The following RCAN2 variants were observed in gnomAD, a reference collection of about 807,000 sequenced individuals.
RCAN2 encodes regulator of calcineurin 2.
Under a neutral mutation model 23.6 loss-of-function variants are expected in RCAN2, and 9 were observed. The observed-to-expected ratio is 0.38, with a 90% CI of 0.23 to 0.67. The LOEUF is 0.67. RCAN2 is among the 30% of genes least tolerant of loss of function. The probability of loss-of-function intolerance (pLI) is 0.51; values close to 1 mark genes in which losing one functional copy is unlikely to be tolerated. For synonymous variants in RCAN2, 109 were observed against 115.7 expected, an observed-to-expected ratio of 0.94 and a Z score of 0.37; for missense variants, 273 against 302.3, an observed-to-expected ratio of 0.90 and a Z score of 0.72.
chr6:46,466,620 G>A (rs150759427), intron 1 of RCAN2, among the ~76,000 whole-genome samples: 1 of 152,176 alleles, frequency 6.6e-6, no homozygotes, highest in Non-Finnish European at 1.5e-5. Context: ...AAATATTCAC[G>A]TTATTTCCAC....
intron 1 of RCAN2, among the ~76,000 whole-genome samples, chr6:46,459,786 G>A (rs1363150908): frequency 3.3e-5 from 5 of 152,032 alleles, no homozygotes; most frequent in Admixed American, 6.5e-5. Flanking sequence ...AAACAGGAGC[G>A]GAAGACGTGA....
intron 2 of RCAN2, among the ~76,000 whole-genome samples, chr6:46,321,169 C>A (rs1011657641): frequency 2.6e-5 from 4 of 152,164 alleles, no homozygotes; most frequent in African/African-American, 4.8e-5. Flanking sequence ...AGAGATGTTT[C>A]CAATGGCAAT....
chr6:46,228,558 T>G (rs1765761718), intron 4 of RCAN2, among the ~76,000 whole-genome samples: 2 of 152,206 alleles, frequency 1.3e-5, no homozygotes, highest in African/African-American at 4.8e-5. Context: ...TGGTCTTTGT[T>G]GGTTTAAAGT....
At chr6:46,273,132 G>A (rs978537367) in intron 2 of RCAN2, among the ~76,000 whole-genome samples, 16 of 152,112 alleles carry the variant, frequency 1.1e-4, no homozygotes, top group Admixed American at 9.8e-4. Context: ...CAGGAGTTGC[G>A]GTTCCAACAT....
intron 2 of RCAN2, among the ~76,000 whole-genome samples, chr6:46,316,189 A>G (rs187861038): frequency 1.7e-4 from 26 of 152,206 alleles, no homozygotes; most frequent in South Asian, 4.1e-4. Flanking sequence ...TTAGAATTCC[A>G]TGTACAAAGT....
intron 1 of RCAN2, among the ~76,000 whole-genome samples, chr6:46,485,005 A>G (rs1260842980): frequency 2.0e-5 from 3 of 152,184 alleles, no homozygotes; most frequent in African/African-American, 7.2e-5. Flanking sequence ...TAACCCGCTA[A>G]AAAAACAATT....
chr6:46,354,895 A>ATGTGTGTG (rs1317652711), intron 2 of RCAN2, among the ~76,000 whole-genome samples: 28 of 136,302 alleles, frequency 2.1e-4, no homozygotes, highest in African/African-American at 6.9e-4. Context: ...AAAAGATTAT[A>ATGTGTGTG]TATGTGTGTG....
chr6:46,408,696 C>T (rs1359131374), intron 2 of RCAN2, among the ~76,000 whole-genome samples: 1 of 152,108 alleles, frequency 6.6e-6, no homozygotes, highest in Non-Finnish European at 1.5e-5. Context: ...CTGAGTTATC[C>T]AACCACCATG....
chr6:46,225,973 G>C (rs754383177), intron 4 of RCAN2, among the ~76,000 whole-genome samples: 2 of 152,152 alleles, frequency 1.3e-5, no homozygotes, highest in African/African-American at 2.4e-5. Context: ...TAAAGTAGGA[G>C]GAAGGGATCC....
intron 2 of RCAN2, among the ~76,000 whole-genome samples, chr6:46,455,854 T>TAAAA (rs572741888): frequency 2.0e-5 from 2 of 100,882 alleles, no homozygotes; most frequent in Non-Finnish European, 2.0e-5. Flanking sequence ...GAGATTCCGT[T>TAAAA]AAAAAAAAAA....
intron 2 of RCAN2, among the ~76,000 whole-genome samples, chr6:46,371,608 G>T (rs1213208548): frequency 1.3e-5 from 2 of 152,214 alleles, no homozygotes; most frequent in African/African-American, 4.8e-5. Flanking sequence ...ACTAAAACTG[G>T]TTTGAACATG....
intron 2 of RCAN2, among the ~76,000 whole-genome samples, chr6:46,288,696 T>C (rs897927034): frequency 4.6e-5 from 7 of 152,286 alleles, no homozygotes; most frequent in Non-Finnish European, 1.0e-4. Context: ...ATCCCCGAAG[T>C]ATAACTTTTG....
At chr6:46,424,919 C>A (rs897086073) in intron 2 of RCAN2, among the ~76,000 whole-genome samples, 1 of 152,134 alleles carries the variant, frequency 6.6e-6, no homozygotes, top group African/African-American at 2.4e-5. Context: ...AAGCCCTGGG[C>A]ATAGAGTGGT....
intron 2 of RCAN2, among the ~76,000 whole-genome samples, chr6:46,313,825 T>C (rs745349551): frequency 1.3e-5 from 2 of 152,252 alleles, no homozygotes; most frequent in Non-Finnish European, 2.9e-5. Flanking sequence ...CTTCTGAGGC[T>C]ACATAAATGC....
At chr6:46,382,085 G>A (rs554436425) in intron 2 of RCAN2, among the ~76,000 whole-genome samples, 61 of 152,282 alleles carry the variant, frequency 4.0e-4, no homozygotes, top group Non-Finnish European at 8.5e-4. Flanking sequence ...GCAGTAGAGT[G>A]AGATGGCTAA....
chr6:46,400,334 T>C (rs1365105070), intron 2 of RCAN2, among the ~76,000 whole-genome samples: 1 of 152,172 alleles, frequency 6.6e-6, no homozygotes, highest in East Asian at 1.9e-4. Flanking sequence ...ACCATTTATC[T>C]TGGACCAGAG....
chr6:46,430,211 C>A (rs1372700987), intron 2 of RCAN2, among the ~76,000 whole-genome samples: 1 of 152,132 alleles, frequency 6.6e-6, no homozygotes, highest in East Asian at 1.9e-4. Context: ...ATGAGAGATG[C>A]CTGAAGCTTG....
chr6:46,268,915 G>A (rs1352354887), intron 2 of RCAN2, among the ~76,000 whole-genome samples: 1 of 152,140 alleles, frequency 6.6e-6, no homozygotes. Context: ...TGTTTAATAA[G>A]GTTTTGTAGG....
At chr6:46,339,967 C>A in intron 2 of RCAN2, among the ~76,000 whole-genome samples, 1 of 151,778 alleles carries the variant, frequency 6.6e-6, no homozygotes, top group Admixed American at 6.6e-5. Flanking sequence ...TCCATTACAG[C>A]TGCTGCCCCA....
Sources: gnomAD v4.1 joint callset for allele counts (sites outside exome capture counted in the v4.1 genomes callset) on GRCh38, gnomAD v4.1.1 for gene constraint, MANE v1.5 for transcripts, NCBI Gene and HGNC (gene_info 2026-07-23, HGNC 2026-07-21) for gene names.